Variants in GRM4 observed in about 807,000 individuals in gnomAD.
GRM4 encodes the protein glutamate metabotropic receptor 4.
GRM4 carries 28 observed loss-of-function variants against 81.7 expected under a neutral mutation model. That is an observed-to-expected ratio of 0.34 (90% CI 0.25 to 0.47). GRM4 has a LOEUF of 0.47. Among genes scored for constraint, GRM4 ranks in the 20% least tolerant of loss-of-function variants. The pLI, the probability that GRM4 is intolerant of heterozygous loss-of-function variation, is 1.00. For synonymous variants in GRM4, 488 were observed against 528.8 expected, an observed-to-expected ratio of 0.92 and a Z score of 1.06; for missense variants, 948 against 1,290.0, an observed-to-expected ratio of 0.73 and a Z score of 4.06.
chr6:34,137,811 G>A (rs1421909443), intron 1 of GRM4, among the ~76,000 whole-genome samples: 1 of 145,442 alleles, frequency 6.9e-6, no homozygotes, highest in Non-Finnish European at 1.5e-5. Flanking sequence ...GCCCAGGCTG[G>A]TCTCGAACTC....
chr6:34,120,744 C>G (rs1399537607), intron 2 of GRM4, among the ~76,000 whole-genome samples: 1 of 152,110 alleles, frequency 6.6e-6, no homozygotes, highest in Non-Finnish European at 1.5e-5. Flanking sequence ...CAGGGCGCGC[C>G]ACAACACCTG....
chr6:34,048,645 G>A lies in GRM4; in HGVS notation c.1169-7897C>T, dbSNP rs538541852. ...GTGTCCCCACCCCAAATCTCACCTCGAATCATAATCCCCACATGTCAGGGA... is the reference window on the plus strand; with the variant it reads ...GTGTCCCCACCCCAAATCTCACCTCAAATCATAATCCCCACATGTCAGGGA... On this transcript the variant is annotated intron_variant, in intron 6 of 10. Coordinates refer to ENST00000538487, the MANE Select transcript of GRM4 (RefSeq NM_000841.4). This position sits in a 1 kb window ranked among gnomAD's most constrained non-coding sequence, Gnocchi z 4.0. 4.6e-5 allele frequency among the ~76,000 whole-genome samples: 7 copies of A among 152,238 alleles called. No homozygotes were observed. The highest frequency in any genetic ancestry group is 2.1e-4 in the South Asian group (1 of 4,824).
intron 3 of GRM4, among the ~76,000 whole-genome samples, chr6:34,087,872 T>G (rs1767994975): frequency 7.0e-6 from 1 of 142,378 alleles, no homozygotes; most frequent in Non-Finnish European, 1.5e-5. Context: ...GGAGTTCACC[T>G]TGCTGCCCTC....
Position 34,152,228 on chromosome 6 carries a change from G to T in GRM4, c.312+2851C>A, listed in dbSNP as rs75831005. ...CAGACAGCTGACAAGACAGAGAGCT[G>T]GACGTAGGCCCCGGGACCTCCCACC... On this transcript the variant is annotated intron_variant, in intron 1 of 8. Coordinates refer to the GRM4 transcript ENST00000374177. This position sits in a 1 kb window ranked among gnomAD's most constrained non-coding sequence, Gnocchi z 4.1. Among the ~76,000 whole-genome samples, 4,905 of 152,286 alleles carry T rather than the reference G, an allele frequency of 0.032. 139 individuals carry two copies. The highest frequency in any genetic ancestry group is 0.07 in the African/African-American group (2,922 of 41,556).
chr6:34,145,696 C>G (rs1473004511), intron 1 of GRM4, among the ~76,000 whole-genome samples: 2 of 152,360 alleles, frequency 1.3e-5, no homozygotes, highest in Admixed American at 6.5e-5. Context: ...GAGGGGGCCG[C>G]AGCCGCTTGC....
At chr6:34,105,065 T>C (rs942692245) in intron 2 of GRM4, among the ~76,000 whole-genome samples, 1 of 152,138 alleles carries the variant, frequency 6.6e-6, no homozygotes, top group African/African-American at 2.4e-5. Flanking sequence ...GCCCAGTGCG[T>C]TCTCGAGTCA....
At chr6:34,148,272 C>T (rs1184016403), upstream of GRM4, among the ~76,000 whole-genome samples, 1 of 152,060 alleles carries the variant, frequency 6.6e-6, no homozygotes, top group Non-Finnish European at 1.5e-5. Context: ...CACCTGTGGG[C>T]CCCCCTTGCC....
At position 34,115,925 on chromosome 6, in the gene GRM4, T is replaced by C. The variant is rs1271900321; in HGVS notation, c.519+17053A>G. Among the ~76,000 whole-genome samples, 2 of 152,202 alleles carry C rather than the reference T, an allele frequency of 1.3e-5. No homozygotes were observed. The highest frequency in any genetic ancestry group is 6.5e-5 in the Admixed American group (1 of 15,280). On this transcript the variant is annotated intron_variant, in intron 2 of 10. Coordinates refer to ENST00000538487, the MANE Select transcript of GRM4 (RefSeq NM_000841.4). This position sits in a 1 kb window ranked among gnomAD's most constrained non-coding sequence, Gnocchi z 4.1. ...TGAAAAGGTAAAAATGAGGTACCGA[T>C]GTTGGCCGCACCAGAAGAGGGCTTT...
chr6:34,110,456 CCACCGAG>C (rs1769327364), intron 2 of GRM4, among the ~76,000 whole-genome samples: 1 of 151,802 alleles, frequency 6.6e-6, no homozygotes, highest in Non-Finnish European at 1.5e-5. Flanking sequence ...ACACTGGCCT[CCACCGAG>C]CACCCTAAGC....
rs1000395289 is a variant in GRM4 at position 34,070,768 on chromosome 6, ACCACACCCCCG to A, written c.737-8751_737-8741del. 1.4e-5 allele frequency among the ~76,000 whole-genome samples: 2 copies of A among 140,400 alleles called. No homozygotes were observed. Among genetic ancestry groups the A allele is most frequent in the Non-Finnish European group, 1.6e-5 (1 of 64,452 alleles). 92.1% of individuals were successfully genotyped at this position (140,400 alleles called of 152,430 possible). On this transcript the variant is annotated intron_variant, in intron 3 of 10. Transcript: ENST00000538487. This position sits in a 1 kb window ranked among gnomAD's most constrained non-coding sequence, Gnocchi z 4.6. ...CCTCCTGAAGGCTCTCAGCACCCCC[ACCACACCCCCG>A]CCACACCCCCAGCCACACACACACA...
chr6:34,098,772 T>C (rs1256157067), intron 2 of GRM4, among the ~76,000 whole-genome samples: 1 of 151,930 alleles, frequency 6.6e-6, no homozygotes, highest in Non-Finnish European at 1.5e-5. Flanking sequence ...AGGAGGAGAG[T>C]GCTGGCTTCC....
intron 3 of GRM4, among the ~76,000 whole-genome samples, chr6:34,072,304 CAT>C (rs1459386630): frequency 2.7e-5 from 4 of 149,492 alleles, no homozygotes; most frequent in Non-Finnish European, 5.9e-5. Flanking sequence ...ACCACACACA[CAT>C]CACACAGATA....
intron 3 of GRM4, among the ~76,000 whole-genome samples, chr6:34,086,823 C>T (rs758908561): frequency 1.3e-5 from 2 of 152,194 alleles, no homozygotes; most frequent in Non-Finnish European, 2.9e-5. Context: ...ATGTACAAAG[C>T]ACTTAAAACA....
chr6:34,055,777 A>G (rs1462741683), intron 6 of GRM4: 1 of 152,110 alleles, frequency 6.6e-6, no homozygotes, highest in Non-Finnish European at 1.5e-5. Context: ...ACCGCCCTCT[A>G]TCTATGGGAA....
chr6:34,150,521 G>A (rs547954110), upstream of GRM4, among the ~76,000 whole-genome samples: 3 of 152,222 alleles, frequency 2.0e-5, no homozygotes, highest in South Asian at 4.1e-4. Context: ...TGAGTGGGGT[G>A]GGTGAAGGAG....
At position 34,021,675 on chromosome 6, in the gene GRM4, C is replaced by T. The variant is rs1188841707; in HGVS notation, c.*1146G>A. 1 of 152,528 alleles carries T rather than the reference C, an allele frequency of 6.6e-6. No individual in the cohort carries two copies. Among genetic ancestry groups the T allele is most frequent in the African/African-American group, 2.4e-5 (1 of 41,358 alleles). 9.4% of individuals were successfully genotyped at this position (152,528 alleles called of 1,614,324 possible). A position where few individuals can be genotyped will look rare whatever the true frequency, so the allele number is the denominator to read the frequency against. The stretch of plus-strand genomic sequence containing the variant: ...CCCCTTACCTGGGAATCTGGCCCCT[C>T]CATGCCCAAGGCCTCACCACACCAC... On this transcript the variant is annotated 3_prime_UTR_variant, in exon 11 of 11. Transcript: ENST00000538487. The surrounding 1 kb of genome is among the most constrained non-coding windows in gnomAD (Gnocchi z 5.3).
chr6:34,044,921 T>C lies in GRM4; in HGVS notation c.1169-4173A>G, dbSNP rs575478842. Among the ~76,000 whole-genome samples the C allele has an allele frequency of 1.5e-3, 231 of 150,400 alleles. 7 individuals are homozygous for C. The highest frequency in any genetic ancestry group is 5.3e-3 in the African/African-American group (216 of 40,400). On this transcript the variant is annotated intron_variant, in intron 6 of 10. Coordinates refer to ENST00000538487, the MANE Select transcript of GRM4 (RefSeq NM_000841.4). ...ACACACACAGACATACATACACATA[T>C]ATACACAGACACACACACACATAGA... is the stretch of plus-strand genomic sequence containing the variant.
In GRM4 at chr6:34,133,156, T is replaced by C. The variant is rs1207475520; in HGVS notation, c.341A>G (p.His114Arg). ...AAAGGTCAGCGACTGCTCGAGGGCATGGGTGTCCCTGGAGCAGGTGTCCAG... is the reference window on the plus strand; with the variant it reads ...AAAGGTCAGCGACTGCTCGAGGGCACGGGTGTCCCTGGAGCAGGTGTCCAG... ...RILDTCSRDT[H>R]ALEQSLTFVQ... Residue 114 changes from histidine (H) to arginine (R), a missense_variant, in exon 2 of 11, where the codon CAT becomes CGT. Physicochemically the swap from His to Arg is conservative, Grantham distance 29. Transcript: ENST00000538487. This position sits in a 1 kb window ranked among gnomAD's most constrained non-coding sequence, Gnocchi z 6.5. 27 of 1,613,888 alleles carry C rather than the reference T, an allele frequency of 1.7e-5. No homozygotes were observed. The highest frequency in any genetic ancestry group is 2.1e-5 in the Non-Finnish European group (25 of 1,179,924).
intron 2 of GRM4, among the ~76,000 whole-genome samples, chr6:34,117,923 T>C (rs1015867256): frequency 6.6e-6 from 1 of 152,082 alleles, no homozygotes; most frequent in African/African-American, 2.4e-5. Context: ...ACATAGTATA[T>C]GAAAGATGCG....
Sources: gnomAD v4.1 joint callset for allele counts (sites outside exome capture counted in the v4.1 genomes callset) on GRCh38, gnomAD v4.1.1 for gene constraint, Gnocchi (gnomAD v3.1) non-coding constraint, MANE v1.5 for transcripts, NCBI Gene and HGNC (gene_info 2026-07-23, HGNC 2026-07-21) for gene names.